Variants in COL6A2 observed in about 807,000 individuals in gnomAD.
The protein encoded by COL6A2 is collagen alpha-2(VI) chain.
Under a neutral mutation model 124.9 loss-of-function variants are expected in COL6A2, and 90 were observed. That is an observed-to-expected ratio of 0.72 (90% CI 0.61 to 0.86). The LOEUF is 0.86. Among genes scored for constraint, COL6A2 ranks in the 40% least tolerant of loss-of-function variants. The pLI is 0.00. For synonymous variants in COL6A2, 793 were observed against 618.2 expected, an observed-to-expected ratio of 1.28 and a Z score of -4.19; for missense variants, 1,607 against 1,502.5, an observed-to-expected ratio of 1.07 and a Z score of -1.15.
At chr21:46,111,858 CG>C in intron 2 of COL6A2, 120 bp from the exon 3 acceptor site, 1 of 1,066,134 alleles carries the variant, frequency 9.4e-7, no homozygotes, top group Admixed American at 1.9e-5. Flanking sequence ...GGTTGGGGGC[CG>C]GGGGCTCTGG....
At chr21:46,111,389 G>C (rs1221553343) in intron 1 of COL6A2, 61 bp from the exon 2 acceptor site, 1 of 954,018 alleles carries the variant, frequency 1.0e-6, no homozygotes, top group Non-Finnish European at 1.7e-6. Context: ...CGCCTGCCAT[G>C]GGGGAGGGTG....
intron 19 of COL6A2, 134 bp from the exon 20 acceptor site, chr21:46,122,362 G>A: frequency 7.5e-7 from 1 of 1,341,970 alleles, no homozygotes; most frequent in Non-Finnish European, 1.1e-6. Flanking sequence ...GCACAGCTCA[G>A]AACGCAGCAC....
Position 46,125,412 on chromosome 21 carries a change from C to T in COL6A2, c.1817-53C>T, listed in dbSNP as rs781144993. 5.6e-6 allele frequency: 9 copies of T among 1,610,512 alleles called. No homozygotes were observed. The African/African-American group carries it at 6.7e-5, about 12-fold the overall frequency. On this transcript the variant is annotated intron_variant, in intron 24 of 27. Transcript: ENST00000300527. ...GCTGGGTCCTGCATGTGCACGTGAC[C>T]CTAGGGTCTGAGGTCTCCCCGGTAC...
chr21:46,108,325 T>C (rs901747463), intron 1 of COL6A2, among the ~76,000 whole-genome samples: 3 of 152,212 alleles, frequency 2.0e-5, no homozygotes, highest in Non-Finnish European at 4.4e-5. Flanking sequence ...AGCATTCTTC[T>C]AATGCAGGAT....
At position 46,116,321 on chromosome 21, in the gene COL6A2, C is replaced by G. The variant is rs1195946447; in HGVS notation, c.901-56C>G. On this transcript the variant is annotated intron_variant, in intron 7 of 27. Coordinates refer to ENST00000300527, the MANE Select transcript of COL6A2 (RefSeq NM_001849.4). The surrounding 1 kb of genome is among the most constrained non-coding windows in gnomAD (Gnocchi z 4.6). ...CTCAGCCTGCAGGGCTGGCCCTTCC[C>G]TGCCTGTGTCTCTGCAGAGCTCCTC... 12 of 1,602,214 alleles carry G rather than the reference C, an allele frequency of 7.5e-6. No individual in the cohort carries two copies. Among genetic ancestry groups the G allele is most frequent in the African/African-American group, 2.7e-5 (2 of 74,636 alleles).
intron 20 of COL6A2, 73 bp downstream of exon 20, chr21:46,122,604 GCCCA>G (rs779074041): frequency 2.7e-5 from 41 of 1,527,722 alleles, no homozygotes; most frequent in Non-Finnish European, 3.6e-5. Flanking sequence ...GGAACACAAT[GCCCA>G]CCGTCACTGA....
intron 23 of COL6A2, 80 bp from the exon 24 acceptor site, chr21:46,125,186 G>C: frequency 1.4e-6 from 2 of 1,391,254 alleles, no homozygotes; most frequent in Non-Finnish European, 2.0e-6. Flanking sequence ...GAATGTCCCG[G>C]GACCCCCAGG....
chr21:46,099,521 G>T (rs2078264387), intron 1 of COL6A2, among the ~76,000 whole-genome samples: 1 of 150,360 alleles, frequency 6.7e-6, no homozygotes, highest in Non-Finnish European at 1.5e-5. Context: ...TCTTAAACAC[G>T]GCCCTGCACG....
At chr21:46,101,884 G>A (rs1438156667) in intron 1 of COL6A2, among the ~76,000 whole-genome samples, 1 of 100,756 alleles carries the variant, frequency 9.9e-6, no homozygotes, top group Admixed American at 1.2e-4. Context: ...TTGGCTATTC[G>A]AGGTCCCTTG....
At chr21:46,121,965 G>C (rs2123647950) in intron 18 of COL6A2, 143 bp from the exon 19 acceptor site, 1 of 884,186 alleles carries the variant, frequency 1.1e-6, no homozygotes, top group African/African-American at 1.7e-5. Context: ...GGTTGGCCCT[G>C]CCAGGCCTCT....
At position 46,117,872 on chromosome 21, in the gene COL6A2, A is replaced by G. The variant is rs886044023; in HGVS notation, c.1054-2A>G. 6.2e-7 allele frequency: 1 copy of G among 1,610,410 alleles called. No individual in the cohort carries two copies. The highest frequency in any genetic ancestry group is 8.5e-7 in the Non-Finnish European group (1 of 1,179,114). On this transcript the variant is annotated splice_acceptor_variant, in intron 11 of 27. Coordinates refer to ENST00000300527, the MANE Select transcript of COL6A2 (RefSeq NM_001849.4). LOFTEE classifies it high-confidence loss of function. ...GAGCTCCACCTCTCACTCCTCTCTC[A>G]GGGCCCCGACGGTTACCCGGGGGAA... is the stretch of plus-strand genomic sequence containing the variant.
rs59060956 is a variant in COL6A2 at position 46,116,926 on chromosome 21, TACACACACACACACACACAC to T, written c.999+123_999+142del. 3.1e-6 allele frequency: 2 copies of T among 638,192 alleles called. No homozygotes were observed. The highest frequency in any genetic ancestry group is 5.6e-5 in the East Asian group (2 of 35,582). 39.5% of individuals were successfully genotyped at this position (638,192 alleles called of 1,614,324 possible). A position where few individuals can be genotyped will look rare whatever the true frequency, so the allele number is the denominator to read the frequency against. On this transcript the variant is annotated intron_variant, in intron 10 of 27. Coordinates refer to ENST00000300527, the MANE Select transcript of COL6A2 (RefSeq NM_001849.4). This position sits in a 1 kb window ranked among gnomAD's most constrained non-coding sequence, Gnocchi z 4.6. ...CAGCTTACACATGTGTACACACGCA[TACACACACACACACACACAC>T]ACACACACACGAACTTCAGCTCCTG...
chr21:46,124,803 C>T (rs571657527), intron 22 of COL6A2, 82 bp from the exon 23 acceptor site: 7 of 1,596,570 alleles, frequency 4.4e-6, no homozygotes, highest in Non-Finnish European at 4.3e-6. Context: ...GGTGGACCCA[C>T]GTATCAGTGG....
At chr21:46,123,695 A>G (rs11910386) in intron 21 of COL6A2, among the ~76,000 whole-genome samples, 119,980 of 149,978 alleles carry the variant, frequency 0.8, 48,086 homozygotes, top group East Asian at 0.88. Context: ...GTAGGTGGGT[A>G]GGTGGGTAGA....
chr21:46,098,844 C>T, intron 1 of COL6A2: 1 of 152,264 alleles, frequency 6.6e-6, no homozygotes, highest in East Asian at 1.9e-4. Flanking sequence ...GACCCGCAGC[C>T]CCTGCCGGGC....
At chr21:46,131,930 G>A (rs749263669) in intron 27 of COL6A2, 24 bp from the exon 28 acceptor site, 130 of 1,568,544 alleles carry the variant, frequency 8.3e-5, no homozygotes, top group South Asian at 5.9e-4. Context: ...CCTCCGCCCA[G>A]CCCGCACCTG....
intron 15 of COL6A2, 115 bp from the exon 16 acceptor site, chr21:46,120,390 CGGGACAGACG>C: frequency 1.4e-6 from 1 of 736,698 alleles, no homozygotes; most frequent in Non-Finnish European, 2.3e-6. Flanking sequence ...GCAGGTCCCC[CGGGACAGACG>C]GGGTTCTTCC....
Position 46,116,611 on chromosome 21 carries a change from G to A in COL6A2, c.928-40G>A, listed in dbSNP as rs765404259. ...GAGGCAGCAGTGCCCATGATGCTTTGAGGCACCGAGCTCACTGCGCCGGCT... is the reference window on the plus strand; with the variant it reads ...GAGGCAGCAGTGCCCATGATGCTTTAAGGCACCGAGCTCACTGCGCCGGCT... On this transcript the variant is annotated intron_variant, in intron 8 of 27. Coordinates refer to ENST00000300527, the MANE Select transcript of COL6A2 (RefSeq NM_001849.4). This position sits in a 1 kb window ranked among gnomAD's most constrained non-coding sequence, Gnocchi z 4.6. The A allele has an allele frequency of 6.2e-7, 1 of 1,612,696 alleles. No individual in the cohort carries two copies. The highest frequency in any genetic ancestry group is 8.5e-7 in the Non-Finnish European group (1 of 1,179,884).
intron 27 of COL6A2, chr21:46,129,691 C>T (rs563729342): frequency 4.9e-6 from 7 of 1,416,206 alleles, no homozygotes; most frequent in Admixed American, 2.9e-5. Context: ...GCGGCTGCAT[C>T]TTCCAGTCTC....
Sources: gnomAD v4.1 joint callset for allele counts (sites outside exome capture counted in the v4.1 genomes callset) on GRCh38, gnomAD v4.1.1 for gene constraint, Gnocchi (gnomAD v3.1) non-coding constraint, MANE v1.5 for transcripts, NCBI Gene and HGNC (gene_info 2026-07-23, HGNC 2026-07-21) for gene names.